LY6G6D: variants seen among roughly 807,000 people sequenced by gnomAD.
The protein encoded by LY6G6D is lymphocyte antigen 6 complex locus protein G6d.
In LY6G6D, 5 loss-of-function variants were observed where a neutral mutation model predicts 8.5. The ratio of observed to expected loss-of-function variants is 0.59; its 90% CI spans 0.31 to 1.24. The LOEUF (loss-of-function observed/expected upper bound fraction) is 1.24. LY6G6D is among the 50% of genes most tolerant of loss of function. The pLI, the probability that LY6G6D is intolerant of heterozygous loss-of-function variation, is 0.07. For missense variants in LY6G6D, 154 were observed against 170.4 expected (o/e 0.90, Z 0.53); for synonymous variants, 65 against 69.6 (o/e 0.93, Z 0.33).
In LY6G6D at chr6:31,715,544, GT is replaced by G; in HGVS notation, c.100del (p.Ser34LeufsTer6). 4 of 1,613,058 alleles carry G rather than the reference GT, an allele frequency of 2.5e-6. No homozygotes were observed. The highest frequency in any genetic ancestry group is 3.4e-6 in the Non-Finnish European group (4 of 1,180,034). ...TACAACTGTGGTGGAAGCCCCAGCA[GT>G]TCTTGCAAAGAGGCCGTGACCACCT... ...RCYNCGGSPS[S>X]SCKEAVTTCG... On this transcript the variant is annotated frameshift_variant, in exon 2 of 3. Coordinates refer to ENST00000375825, the MANE Select transcript of LY6G6D (RefSeq NM_021246.4). LOFTEE classifies it high-confidence loss of function.
chr6:31,717,334 G>T lies in LY6G6D; in HGVS notation c.179-247G>T. The T allele has an allele frequency of 2.8e-6, 2 of 714,818 alleles. No individual in the cohort carries two copies. Among genetic ancestry groups the T allele is most frequent in the Admixed American group, 3.2e-5 (1 of 31,390 alleles). The allele number at this position is 714,818 out of a possible 1,614,324, so 44.3% of individuals were successfully genotyped here. ...CTCGATATTTATTTATCTGATATTT[G>T]CCATGATGAGATTGAGGTCATGCAT... On this transcript the variant is annotated intron_variant, in intron 2 of 2. Coordinates refer to ENST00000375825, the MANE Select transcript of LY6G6D (RefSeq NM_021246.4). The surrounding 1 kb of genome is among the most constrained non-coding windows in gnomAD (Gnocchi z 5.0).
At position 31,717,541 on chromosome 6, in the gene LY6G6D, A is replaced by T. The variant is rs200350334; in HGVS notation, c.179-40A>T. The stretch of plus-strand genomic sequence containing the variant: ...CTCTGCCCCAGAAGGCAAGTCCTGA[A>T]GCCAGGAGTCCAACACCCCAGTTTC... On this transcript the variant is annotated intron_variant, in intron 2 of 2. Coordinates refer to ENST00000375825, the MANE Select transcript of LY6G6D (RefSeq NM_021246.4). This position sits in a 1 kb window ranked among gnomAD's most constrained non-coding sequence, Gnocchi z 5.0. 2 of 1,614,190 alleles carry T rather than the reference A, an allele frequency of 1.2e-6. No homozygotes were observed. Among genetic ancestry groups the T allele is most frequent in the East Asian group, 2.2e-5 (1 of 44,882 alleles).
chr6:31,717,700 G>T lies in LY6G6D; in HGVS notation c.298G>T (p.Asp100Tyr), dbSNP rs1363381841. The T allele has an allele frequency of 6.2e-7, 1 of 1,614,256 alleles. No homozygotes were observed. Among genetic ancestry groups the T allele is most frequent in the South Asian group, 1.1e-5 (1 of 91,088 alleles). Residue 100 changes from aspartate to tyrosine, a missense_variant, in exon 3 of 3, where the codon GAC (aspartate) becomes TAC (tyrosine). Transcript: ENST00000375825. This position sits in a 1 kb window ranked among gnomAD's most constrained non-coding sequence, Gnocchi z 5.0. ...AGCCCACAGGGACTGCTACCTGGGAGACCTGTGCAACAGCGCCGTGGCAAG... is the reference window on the plus strand; with the variant it reads ...AGCCCACAGGGACTGCTACCTGGGATACCTGTGCAACAGCGCCGTGGCAAG... Reference protein sequence around the residue: ...YPAHRDCYLGDLCNSAVASHV... With the variant: ...YPAHRDCYLGYLCNSAVASHV...
At position 31,716,900 on chromosome 6, in the gene LY6G6D, C is replaced by T. The variant is rs1806471304; in HGVS notation, c.179-681C>T. Among the ~76,000 whole-genome samples, 2 of 152,016 alleles carry T rather than the reference C, an allele frequency of 1.3e-5. No individual in the cohort carries two copies. Reference sequence around the variant, plus strand: ...TATGATTGCACCACCACACTCCAGCCTGAGTGAGAGAGCAAGATCTTTTCT... The same window carrying T: ...TATGATTGCACCACCACACTCCAGCTTGAGTGAGAGAGCAAGATCTTTTCT... On this transcript the variant is annotated intron_variant, in intron 2 of 2. Coordinates refer to ENST00000375825, the MANE Select transcript of LY6G6D (RefSeq NM_021246.4). This position sits in a 1 kb window ranked among gnomAD's most constrained non-coding sequence, Gnocchi z 5.1.
intron 2 of LY6G6D, among the ~76,000 whole-genome samples, chr6:31,715,950 GGTGTGTGT>G (rs3138769): frequency 0.073 from 10,780 of 146,992 alleles, 546 homozygotes; most frequent in East Asian, 0.15. Context: ...ACCAGGGAGG[GGTGTGTGT>G]GTGTGTGTGT....
rs2151291680 is a variant in LY6G6D, at chr6:31,717,647, CAG to C, written c.248_249del (p.Glu83ValfsTer72). ...GCCCATCATTGCAATCAAGTGGAGACAGAGTCGGTGGGAGACGTGACTTATCC... is the reference window on the plus strand; with the variant it reads ...GCCCATCATTGCAATCAAGTGGAGACAGTCGGTGGGAGACGTGACTTATCC... On this transcript the variant is annotated frameshift_variant, in exon 3 of 3. Coordinates refer to ENST00000375825, the MANE Select transcript of LY6G6D (RefSeq NM_021246.4). LOFTEE classifies it low-confidence loss of function (END_TRUNC). The surrounding 1 kb of genome is among the most constrained non-coding windows in gnomAD (Gnocchi z 5.0). 1 of 1,614,214 alleles carries C rather than the reference CAG, an allele frequency of 6.2e-7. No individual in the cohort carries two copies. Among genetic ancestry groups the C allele is most frequent in the Non-Finnish European group, 8.5e-7 (1 of 1,180,026 alleles).
At position 31,717,847 on chromosome 6, in the gene LY6G6D, A is replaced by G. The variant is rs746595628; in HGVS notation, c.*43A>G. 1.3e-6 allele frequency: 2 copies of G among 1,571,130 alleles called. No homozygotes were observed. Among genetic ancestry groups the G allele is most frequent in the South Asian group, 2.3e-5 (2 of 87,046 alleles). On this transcript the variant is annotated 3_prime_UTR_variant, in exon 3 of 3. Transcript: ENST00000375825. This position sits in a 1 kb window ranked among gnomAD's most constrained non-coding sequence, Gnocchi z 5.0. Reference sequence around the variant, plus strand: ...AAGGGAACAAGGGAGCAAGGGAACAAGGGACATCTGAACATCTAATGTGAG... The same window carrying G: ...AAGGGAACAAGGGAGCAAGGGAACAGGGGACATCTGAACATCTAATGTGAG...
In LY6G6D at chr6:31,716,828, G is replaced by T. The variant is rs959461657; in HGVS notation, c.179-753G>T. Among the ~76,000 whole-genome samples the T allele has an allele frequency of 6.6e-6, 1 of 152,150 alleles. No individual in the cohort carries two copies. Among genetic ancestry groups the T allele is most frequent in the African/African-American group, 2.4e-5 (1 of 41,416 alleles). ...TGTAATCTCAGTTTCCTGAGAGGCT[G>T]AGGCAGGAGGATTACTTGAGCCCAG... On this transcript the variant is annotated intron_variant, in intron 2 of 2. Transcript: ENST00000375825. This position sits in a 1 kb window ranked among gnomAD's most constrained non-coding sequence, Gnocchi z 5.1.
rs758489042 is a variant in LY6G6D, at chr6:31,715,421, G to A, written c.55+11G>A. The A allele has an allele frequency of 1.2e-5, 19 of 1,605,086 alleles. 1 individual carries two copies. Among genetic ancestry groups the A allele is most frequent in the African/African-American group, 5.4e-5 (4 of 74,716 alleles). ...TAGGGGCTGCCTTGGGTAAGGAGGC[G>A]GCCAGCTAGCTTCTCACACAGGCCT... On this transcript the variant is annotated intron_variant, in intron 1 of 2. Transcript: ENST00000375825.
chr6:31,716,890 A>C lies in LY6G6D; in HGVS notation c.179-691A>C, dbSNP rs978310281. 6.6e-6 allele frequency among the ~76,000 whole-genome samples: 1 copy of C among 152,122 alleles called. No homozygotes were observed. The highest frequency in any genetic ancestry group is 1.5e-5 in the Non-Finnish European group (1 of 68,030). Reference sequence around the variant, plus strand: ...TATAGGGAGGTATGATTGCACCACCACACTCCAGCCTGAGTGAGAGAGCAA... The same window carrying C: ...TATAGGGAGGTATGATTGCACCACCCCACTCCAGCCTGAGTGAGAGAGCAA... On this transcript the variant is annotated intron_variant, in intron 2 of 2. Transcript: ENST00000375825. The surrounding 1 kb of genome is among the most constrained non-coding windows in gnomAD (Gnocchi z 5.1).
At chr6:31,715,447 T>G in intron 1 of LY6G6D, 37 bp downstream of exon 1, 1 of 1,606,230 alleles carries the variant, frequency 6.2e-7, no homozygotes, top group Non-Finnish European at 8.5e-7. Flanking sequence ...ACACAGGCCT[T>G]CTGCCAGCCG....
rs1292451732 is a variant in LY6G6D, at chr6:31,717,079, C to T, written c.179-502C>T. Reference sequence around the variant, plus strand: ...CAGCCTGATCAATGTGGAGAAATCTCGTCTCTACTAAAAATACAAAATTAG... The same window carrying T: ...CAGCCTGATCAATGTGGAGAAATCTTGTCTCTACTAAAAATACAAAATTAG... On this transcript the variant is annotated intron_variant, in intron 2 of 2. Transcript: ENST00000375825. This position sits in a 1 kb window ranked among gnomAD's most constrained non-coding sequence, Gnocchi z 5.0. Among the ~76,000 whole-genome samples, 1 of 151,934 alleles carries T rather than the reference C, an allele frequency of 6.6e-6. No homozygotes were observed. The highest frequency in any genetic ancestry group is 2.4e-5 in the African/African-American group (1 of 41,372).
Position 31,717,743 on chromosome 6 carries a change from G to T in LY6G6D, c.341G>T (p.Gly114Val). 2 of 1,614,126 alleles carry T rather than the reference G, an allele frequency of 1.2e-6. No homozygotes were observed. Among genetic ancestry groups the T allele is most frequent in the Non-Finnish European group, 1.7e-6 (2 of 1,180,036 alleles). ...SAVASHVAPA[G>V]ILAAAATALT... ...GTGGCAAGCCATGTGGCCCCTGCAG[G>T]CATTTTGGCTGCAGCAGCTACCGCC... The change falls in exon 3 of 3, where the codon GGC (glycine) becomes GTC (valine). Residue 114 changes from glycine to valine, a missense_variant. Coordinates refer to ENST00000375825, the MANE Select transcript of LY6G6D (RefSeq NM_021246.4). The surrounding 1 kb of genome is among the most constrained non-coding windows in gnomAD (Gnocchi z 5.0).
chr6:31,715,575 C>G lies in LY6G6D; in HGVS notation c.129C>G (p.Gly43=). 1 of 1,613,046 alleles carries G rather than the reference C, an allele frequency of 6.2e-7. No homozygotes were observed. Among genetic ancestry groups the G allele is most frequent in the Non-Finnish European group, 8.5e-7 (1 of 1,180,014 alleles). Residue 43 remains glycine (G), a synonymous_variant, in exon 2 of 3, where the codon GGC becomes GGG. Coordinates refer to ENST00000375825, the MANE Select transcript of LY6G6D (RefSeq NM_021246.4). ...GCAAAGAGGCCGTGACCACCTGTGG[C>G]GAGGGCAGACCCCAGCCAGGCCTGG... ...SSCKEAVTTC[G]EGRPQPGLEQ...
intron 2 of LY6G6D, 80 bp downstream of exon 2, chr6:31,715,704 C>T: frequency 6.4e-7 from 1 of 1,565,534 alleles, no homozygotes; most frequent in Non-Finnish European, 8.7e-7. Context: ...TTCCAGAACC[C>T]TCCAGGCTCA....
At position 31,716,128 on chromosome 6, in the gene LY6G6D, A is replaced by G. The variant is rs1806419380; in HGVS notation, c.178+504A>G. ...ATCACAAAATAACTGATACAATACT[A>G]CTAACTAATCTACAGACTTTATTTG... On this transcript the variant is annotated intron_variant, in intron 2 of 2. Coordinates refer to ENST00000375825, the MANE Select transcript of LY6G6D (RefSeq NM_021246.4). The surrounding 1 kb of genome is among the most constrained non-coding windows in gnomAD (Gnocchi z 5.1). 1.3e-5 allele frequency among the ~76,000 whole-genome samples: 2 copies of G among 152,212 alleles called. No individual in the cohort carries two copies. The highest frequency in any genetic ancestry group is 2.9e-5 in the Non-Finnish European group (2 of 68,038).
chr6:31,717,249 CAA>C lies in LY6G6D; in HGVS notation c.179-317_179-316del, dbSNP rs58686476. The stretch of plus-strand genomic sequence containing the variant: ...GGGCAATAAGAGTGAAACTCCGTCT[CAA>C]AAAAAAAAAAAAAATTACAGATACT... On this transcript the variant is annotated intron_variant, in intron 2 of 2. Coordinates refer to ENST00000375825, the MANE Select transcript of LY6G6D (RefSeq NM_021246.4). The surrounding 1 kb of genome is among the most constrained non-coding windows in gnomAD (Gnocchi z 5.0). Among the ~76,000 whole-genome samples, 342 of 92,278 alleles carry C rather than the reference CAA, an allele frequency of 3.7e-3. 2 individuals carry two copies. Among genetic ancestry groups the C allele is most frequent in the African/African-American group, 8.5e-3 (213 of 25,012 alleles). The allele number at this position is 92,278 out of a possible 152,430, so 60.5% of individuals were successfully genotyped here.
Position 31,717,340 on chromosome 6 carries a change from A to G in LY6G6D, c.179-241A>G. 1 of 767,716 alleles carries G rather than the reference A, an allele frequency of 1.3e-6. No homozygotes were observed. The highest frequency in any genetic ancestry group is 2.1e-6 in the Non-Finnish European group (1 of 481,752). 47.6% of individuals were successfully genotyped at this position (767,716 alleles called of 1,614,324 possible). On this transcript the variant is annotated intron_variant, in intron 2 of 2. Coordinates refer to ENST00000375825, the MANE Select transcript of LY6G6D (RefSeq NM_021246.4). This position sits in a 1 kb window ranked among gnomAD's most constrained non-coding sequence, Gnocchi z 5.0. The stretch of plus-strand genomic sequence containing the variant: ...ATTTATTTATCTGATATTTGCCATG[A>G]TGAGATTGAGGTCATGCATTTTAAG...
At position 31,717,504 on chromosome 6, in the gene LY6G6D, A is replaced by G. The variant is rs775213512; in HGVS notation, c.179-77A>G. 4.3e-6 allele frequency: 7 copies of G among 1,613,940 alleles called. No individual in the cohort carries two copies. The South Asian group carries it at 7.7e-5, about 18-fold the overall frequency. ...GCTGAAAATCCCTTTGGGCTCCTTG[A>G]AATCACATCTGCTCTGCCCCAGAAG... On this transcript the variant is annotated intron_variant, in intron 2 of 2. Transcript: ENST00000375825. The surrounding 1 kb of genome is among the most constrained non-coding windows in gnomAD (Gnocchi z 5.0).
Sources: gnomAD v4.1 joint callset for allele counts (sites outside exome capture counted in the v4.1 genomes callset) on GRCh38, gnomAD v4.1.1 for gene constraint, Gnocchi (gnomAD v3.1) non-coding constraint, MANE v1.5 for transcripts, NCBI Gene and HGNC (gene_info 2026-07-23, HGNC 2026-07-21) for gene names.